Variants in TCERG1L observed in about 807,000 individuals in gnomAD.
TCERG1L encodes the protein transcription elongation regulator 1 like, also known as transcription elongation regulator 1-like protein.
In TCERG1L, 37 loss-of-function variants were observed where a neutral mutation model predicts 56.3. The ratio of observed to expected loss-of-function variants is 0.66; its 90% CI spans 0.51 to 0.87. The LOEUF (loss-of-function observed/expected upper bound fraction) is 0.87, where lower values mean the gene tolerates loss of function less well. Ranked by LOEUF, TCERG1L falls within the 40% of genes least tolerant of loss-of-function variation. TCERG1L has a pLI of 0.00. For synonymous variants in TCERG1L, 324 were observed against 326.3 expected, an observed-to-expected ratio of 0.99 and a Z score of 0.08; for missense variants, 799 against 774.2, an observed-to-expected ratio of 1.03 and a Z score of -0.38.
chr10:131,216,313 C>T (rs570003579), intron 4 of TCERG1L, among the ~76,000 whole-genome samples: 1 of 152,184 alleles, frequency 6.6e-6, no homozygotes, highest in South Asian at 2.1e-4. Flanking sequence ...GCTCCCAGAG[C>T]CCATAGGCAT....
At chr10:131,282,113 G>A (rs1233288319) in intron 3 of TCERG1L, among the ~76,000 whole-genome samples, 2 of 147,000 alleles carry the variant, frequency 1.4e-5, no homozygotes, top group Non-Finnish European at 3.0e-5. Flanking sequence ...TCTGGCCTGG[G>A]CGAAAGAGCA....
At chr10:131,183,579 T>C (rs1845203897) in intron 4 of TCERG1L, among the ~76,000 whole-genome samples, 1 of 152,080 alleles carries the variant, frequency 6.6e-6, no homozygotes, top group African/African-American at 2.4e-5. Flanking sequence ...CTCCCAAATA[T>C]CTCAGTTTTC....
chr10:131,200,986 C>T (rs966276142), intron 4 of TCERG1L, among the ~76,000 whole-genome samples: 1 of 152,140 alleles, frequency 6.6e-6, no homozygotes, highest in African/African-American at 2.4e-5. Flanking sequence ...GACACAGCCT[C>T]CCTCCCCTCG....
At chr10:131,189,004 T>C (rs1170821514) in intron 4 of TCERG1L, among the ~76,000 whole-genome samples, 2 of 152,158 alleles carry the variant, frequency 1.3e-5, no homozygotes, top group Non-Finnish European at 2.9e-5. Context: ...TAGTAATATA[T>C]CTTTGAGATA....
intron 4 of TCERG1L, among the ~76,000 whole-genome samples, chr10:131,214,542 T>C (rs1845648802): frequency 6.6e-6 from 1 of 152,226 alleles, no homozygotes; most frequent in Non-Finnish European, 1.5e-5. Flanking sequence ...CACTGAACCA[T>C]GAGTGTTAAG....
intron 3 of TCERG1L, among the ~76,000 whole-genome samples, chr10:131,299,300 C>A (rs1309922477): frequency 6.6e-6 from 1 of 152,000 alleles, no homozygotes; most frequent in Admixed American, 6.5e-5. Context: ...GAGGTTAGAT[C>A]TTTATATTTA....
At chr10:131,211,700 C>T (rs1339063762) in intron 4 of TCERG1L, among the ~76,000 whole-genome samples, 1 of 152,114 alleles carries the variant, frequency 6.6e-6, no homozygotes, top group African/African-American at 2.4e-5. Context: ...AAATTGCACA[C>T]ATGGAGGAAA....
At chr10:131,291,165 T>C (rs919922357) in intron 3 of TCERG1L, among the ~76,000 whole-genome samples, 1 of 152,164 alleles carries the variant, frequency 6.6e-6, no homozygotes, top group Non-Finnish European at 1.5e-5. Context: ...TTTATGTCTA[T>C]TTTTATTATA....
intron 8 of TCERG1L, among the ~76,000 whole-genome samples, chr10:131,128,345 G>A (rs1309791233): frequency 6.6e-6 from 1 of 152,204 alleles, no homozygotes; most frequent in Non-Finnish European, 1.5e-5. Flanking sequence ...GTGACTCCAA[G>A]CCACGAAACA....
chr10:131,259,249 A>T (rs1209086186), intron 4 of TCERG1L, among the ~76,000 whole-genome samples: 1 of 152,242 alleles, frequency 6.6e-6, no homozygotes, highest in Non-Finnish European at 1.5e-5. Context: ...TTTCTACCAT[A>T]AAGTAGTAGG....
intron 7 of TCERG1L, among the ~76,000 whole-genome samples, chr10:131,142,332 A>C (rs1255722796): frequency 6.6e-6 from 1 of 151,940 alleles, no homozygotes; most frequent in African/African-American, 2.4e-5. Flanking sequence ...GGGTCCCCCC[A>C]AGTGCCCCGG....
intron 3 of TCERG1L, among the ~76,000 whole-genome samples, chr10:131,280,256 T>C (rs985381047): frequency 6.6e-6 from 1 of 151,470 alleles, no homozygotes; most frequent in South Asian, 2.1e-4. Flanking sequence ...CAATCAGACA[T>C]GCACTTAACT....
intron 7 of TCERG1L, among the ~76,000 whole-genome samples, chr10:131,140,590 G>A (rs1010513497): frequency 2.6e-5 from 4 of 152,326 alleles, no homozygotes; most frequent in Non-Finnish European, 5.9e-5. Context: ...AGAAGTCAGT[G>A]TTCTCCCAGG....
chr10:131,234,447 G>A (rs984789815), intron 4 of TCERG1L, among the ~76,000 whole-genome samples: 3 of 152,154 alleles, frequency 2.0e-5, no homozygotes, highest in South Asian at 2.1e-4. Flanking sequence ...GTGGATAAAA[G>A]CTATTAAAAC....
At position 131,098,403 on chromosome 10, in the gene TCERG1L, T is replaced by C. The variant is rs755626419; in HGVS notation, c.1507A>G (p.Thr503Ala). The change falls in exon 11 of 12, where the codon ACA (threonine) becomes GCA (alanine). Residue 503 changes from threonine to alanine, a missense_variant. Physicochemically the swap from Thr to Ala is moderately conservative, Grantham distance 58 (BLOSUM62 0). Coordinates refer to ENST00000368642, the MANE Select transcript of TCERG1L (RefSeq NM_174937.4). The part of the protein sequence containing the change: ...RKQIFEQFVK[T>A]RIKEEYKEKK... The stretch of plus-strand genomic sequence containing the variant: ...TCCTTGTATTCTTCTTTTATTCTTG[T>C]CTTGACAAACTGTTCAAATATCTTA... The C allele has an allele frequency of 1.8e-5, 28 of 1,548,756 alleles. No individual in the cohort carries two copies. The highest frequency in any genetic ancestry group is 1.5e-5 in the Non-Finnish European group (17 of 1,146,714).
chr10:131,293,633 C>G (rs1011416226), intron 3 of TCERG1L, among the ~76,000 whole-genome samples: 1 of 152,126 alleles, frequency 6.6e-6, no homozygotes, highest in Non-Finnish European at 1.5e-5. Flanking sequence ...GATAAGCCCC[C>G]TCACCCTAAA....
At chr10:131,183,993 AG>A (rs1265964328) in intron 4 of TCERG1L, among the ~76,000 whole-genome samples, 1 of 152,182 alleles carries the variant, frequency 6.6e-6, no homozygotes, top group Non-Finnish European at 1.5e-5. Context: ...TTGTTTCCGC[AG>A]GGCCAACCTT....
At chr10:131,212,190 A>G (rs1481159303) in intron 4 of TCERG1L, among the ~76,000 whole-genome samples, 1 of 152,178 alleles carries the variant, frequency 6.6e-6, no homozygotes, top group African/African-American at 2.4e-5. Flanking sequence ...CGCTGTACCC[A>G]CTGGCACCAT....
intron 4 of TCERG1L, among the ~76,000 whole-genome samples, chr10:131,192,346 C>T (rs998061799): frequency 1.4e-5 from 2 of 143,294 alleles, no homozygotes; most frequent in African/African-American, 2.6e-5. Flanking sequence ...CCTGTAAGAA[C>T]GGCCATTATT....
Sources: allele counts gnomAD v4.1 joint callset (sites outside exome capture counted in the v4.1 genomes callset), GRCh38; gene constraint gnomAD v4.1.1; transcripts MANE v1.5; gene names NCBI Gene and HGNC (gene_info 2026-07-23, HGNC 2026-07-21).